Variants in TMEM156 observed in about 807,000 individuals in gnomAD.
TMEM156 encodes transmembrane protein 156.
TMEM156 carries 28 observed loss-of-function variants against 30.5 expected under a neutral mutation model. The ratio of observed to expected loss-of-function variants is 0.92; its 90% CI spans 0.68 to 1.26. The LOEUF (loss-of-function observed/expected upper bound fraction) is 1.26. Among genes scored for constraint, TMEM156 ranks in the 50% most tolerant of loss-of-function variants. The pLI is 0.00. For synonymous variants in TMEM156, 137 were observed against 119.9 expected (o/e 1.14, Z -0.93); for missense variants, 351 against 340.6 (o/e 1.03, Z -0.24).
intron 1 of TMEM156, among the ~76,000 whole-genome samples, chr4:39,006,113 C>G (rs1713718980): frequency 6.6e-6 from 1 of 152,130 alleles, no homozygotes. Flanking sequence ...CCAGGCTGGT[C>G]TCAAACTCCT....
intron 5 of TMEM156, among the ~76,000 whole-genome samples, chr4:38,972,348 G>A (rs951708625): frequency 1.4e-5 from 2 of 143,474 alleles, no homozygotes; most frequent in East Asian, 4.2e-4. Flanking sequence ...CCGCCTCCTG[G>A]GTTCAAGCAA....
chr4:39,027,054 C>T (rs1015845653), intron 1 of TMEM156, among the ~76,000 whole-genome samples: 47 of 152,100 alleles, frequency 3.1e-4, no homozygotes, highest in Admixed American at 1.3e-4. Flanking sequence ...AATGATGCTG[C>T]GCCATGAATG....
At chr4:38,974,949 A>G (rs1722776722) in intron 5 of TMEM156, among the ~76,000 whole-genome samples, 1 of 152,138 alleles carries the variant, frequency 6.6e-6, no homozygotes, top group Non-Finnish European at 1.5e-5. Flanking sequence ...CTGGGATTGC[A>G]GGCATGAGCC....
chr4:38,977,489 A>G (rs1190113657), intron 5 of TMEM156, among the ~76,000 whole-genome samples: 1 of 152,224 alleles, frequency 6.6e-6, no homozygotes, highest in Non-Finnish European at 1.5e-5. Flanking sequence ...AATCTTCTAA[A>G]AATTGATTAA....
intron 6 of TMEM156, among the ~76,000 whole-genome samples, chr4:38,969,929 G>A (rs1409350373): frequency 6.6e-6 from 1 of 152,146 alleles, no homozygotes; most frequent in Admixed American, 6.5e-5. Context: ...CCCAGTAGCG[G>A]GATTGCTGAA....
At chr4:39,007,402 T>C (rs1434974034) in intron 1 of TMEM156, among the ~76,000 whole-genome samples, 2 of 150,296 alleles carry the variant, frequency 1.3e-5, no homozygotes, top group Non-Finnish European at 2.9e-5. Context: ...CTATCATTCA[T>C]TTCTTCCTTT....
At chr4:39,013,408 TATTTATTTATTA>T (rs1325576977) in intron 1 of TMEM156, among the ~76,000 whole-genome samples, 1 of 128,758 alleles carries the variant, frequency 7.8e-6, no homozygotes, top group Non-Finnish European at 1.6e-5. Flanking sequence ...TTTATTTATT[TATTTATTTATTA>T]AGACGGAGTC....
chr4:39,002,697 T>C (rs1404976484), intron 1 of TMEM156, among the ~76,000 whole-genome samples: 1 of 149,742 alleles, frequency 6.7e-6, no homozygotes, highest in African/African-American at 2.4e-5. Context: ...TGGAATACTA[T>C]GCAGCCATAA....
intron 5 of TMEM156, among the ~76,000 whole-genome samples, chr4:38,981,346 C>A (rs1308930003): frequency 1.3e-5 from 2 of 152,164 alleles, no homozygotes; most frequent in East Asian, 3.8e-4. Flanking sequence ...CAATAAAACT[C>A]CATTTTCTTT....
chr4:39,016,693 AT>A (rs1477802631), intron 1 of TMEM156, among the ~76,000 whole-genome samples: 1 of 152,152 alleles, frequency 6.6e-6, no homozygotes, highest in East Asian at 1.9e-4. Flanking sequence ...TATATTACCT[AT>A]TTTTAGCTTT....
intron 1 of TMEM156, among the ~76,000 whole-genome samples, chr4:39,015,812 T>C (rs1486655179): frequency 6.6e-6 from 1 of 152,012 alleles, no homozygotes; most frequent in Non-Finnish European, 1.5e-5. Flanking sequence ...CCCATACTGT[T>C]CTCATGAACA....
intron 1 of TMEM156, among the ~76,000 whole-genome samples, chr4:39,006,338 G>A (rs1203025699): frequency 2.0e-5 from 3 of 152,062 alleles, no homozygotes; most frequent in Admixed American, 2.0e-4. Context: ...TTGTTAGGTT[G>A]TCTTTTATTT....
chr4:38,986,507 A>T (rs574652494), intron 4 of TMEM156, 88 bp from the exon 5 acceptor site: 23 of 1,006,218 alleles, frequency 2.3e-5, no homozygotes, highest in Non-Finnish European at 3.5e-5. Context: ...AGGATTACCA[A>T]AAAGAATGGA....
In TMEM156 at chr4:38,967,600, A is replaced by C. The variant is rs1397925033; in HGVS notation, c.*80T>G. 6.6e-6 allele frequency: 1 copy of C among 152,254 alleles called. No homozygotes were observed. The highest frequency in any genetic ancestry group is 6.5e-5 in the Admixed American group (1 of 15,284). The allele number at this position is 152,254 out of a possible 1,614,324, so 9.4% of individuals were successfully genotyped here. A position where few individuals can be genotyped will look rare whatever the true frequency, so the allele number is the denominator to read the frequency against. Reference sequence around the variant, plus strand: ...TACTCATTCACAAAATAAACTTCTGAGTATTCTTCAAAGGGCTCGGTCCAA... The same window carrying C: ...TACTCATTCACAAAATAAACTTCTGCGTATTCTTCAAAGGGCTCGGTCCAA... On this transcript the variant is annotated 3_prime_UTR_variant, in exon 7 of 7. Transcript: ENST00000381938.
intron 1 of TMEM156, among the ~76,000 whole-genome samples, chr4:39,001,482 G>A (rs1713356041): frequency 6.7e-6 from 1 of 149,962 alleles, no homozygotes; most frequent in Admixed American, 6.6e-5. Flanking sequence ...ATCATTTGGG[G>A]CAAAATATAT....
rs1354905836 is a variant in TMEM156 at position 38,986,380 on chromosome 4, C to G, written c.779G>C (p.Ser260Thr). 2 of 1,613,970 alleles carry G rather than the reference C, an allele frequency of 1.2e-6. No individual in the cohort carries two copies. The highest frequency in any genetic ancestry group is 1.7e-6 in the Non-Finnish European group (2 of 1,179,894). Residue 260 changes from serine (S) to threonine (T), a missense_variant, in exon 5 of 7, where the codon AGT becomes ACT. By Grantham distance (58) the Ser-to-Thr change is moderately conservative (BLOSUM62 1). Coordinates refer to ENST00000381938, the MANE Select transcript of TMEM156 (RefSeq NM_024943.3). ...CAATGCTCTCAGTTTCTCCGAATCA[C>G]TTCCTCTTAAGAGAACAGATGTAGG... Reference protein sequence around the residue: ...DKPTSVLLRGSDSEKLRALNV... With the variant: ...DKPTSVLLRGTDSEKLRALNV...
chr4:38,999,786 T>A (rs1197118363), intron 1 of TMEM156, among the ~76,000 whole-genome samples: 1 of 152,170 alleles, frequency 6.6e-6, no homozygotes, highest in African/African-American at 2.4e-5. Flanking sequence ...CTAATCTCTG[T>A]CTCCATAGTC....
chr4:38,969,349 C>T (rs143108377), intron 6 of TMEM156, among the ~76,000 whole-genome samples: 28 of 152,242 alleles, frequency 1.8e-4, no homozygotes, highest in African/African-American at 6.0e-4. Context: ...CCTTTTTGTC[C>T]GTGGCTTACT....
intron 3 of TMEM156, among the ~76,000 whole-genome samples, chr4:38,992,672 ATATAATATATTATATAATATAT>A (rs1712552650): frequency 1.7e-5 from 1 of 60,294 alleles, no homozygotes; most frequent in Non-Finnish European, 3.4e-5. Flanking sequence ...CTACATATAT[ATATAATATATTATATAATATAT>A]TATATAATAT....
Sources: gnomAD v4.1 joint callset for allele counts (sites outside exome capture counted in the v4.1 genomes callset) on GRCh38, gnomAD v4.1.1 for gene constraint, MANE v1.5 for transcripts, NCBI Gene and HGNC (gene_info 2026-07-23, HGNC 2026-07-21) for gene names.